The following PLXNA4 variants were observed in gnomAD, a reference collection of about 807,000 sequenced individuals.
The protein encoded by PLXNA4 is plexin-A4.
In PLXNA4, 44 loss-of-function variants were observed where a neutral mutation model predicts 191.8. That is an observed-to-expected ratio of 0.23 (90% CI 0.18 to 0.29). The LOEUF (loss-of-function observed/expected upper bound fraction) is 0.29, where lower values mean the gene tolerates loss of function less well. Among genes scored for constraint, PLXNA4 ranks in the 10% least tolerant of loss-of-function variants. PLXNA4 has a pLI of 1.00. For synonymous variants in PLXNA4, 1,082 were observed against 1,009.5 expected (o/e 1.07, Z -1.36); for missense variants, 1,800 against 2,488.8 (o/e 0.72, Z 5.89).
At chr7:132,241,646 A>G (rs1484358453) in intron 4 of PLXNA4, among the ~76,000 whole-genome samples, 1 of 152,114 alleles carries the variant, frequency 6.6e-6, no homozygotes, top group Non-Finnish European at 1.5e-5. Flanking sequence ...TCCAGAGAGC[A>G]TTTAGTCTGA....
chr7:132,124,771 C>A lies in PLXNA4; in HGVS notation c.*5708G>T, dbSNP rs1237636057. On this transcript the variant is annotated 3_prime_UTR_variant, in exon 32 of 32. Coordinates refer to ENST00000321063, the MANE Select transcript of PLXNA4 (RefSeq NM_020911.2). ...CGGGTGGGAATGGAATAAAGTGAGG[C>A]TCCCGCAACCCAGGATTTTCAGCCT... The A allele has an allele frequency of 6.6e-6, 1 of 152,210 alleles. No individual in the cohort carries two copies. Among genetic ancestry groups the A allele is most frequent in the East Asian group, 1.9e-4 (1 of 5,194 alleles). The allele number at this position is 152,210 out of a possible 1,614,324, so 9.4% of individuals were successfully genotyped here. A position where few individuals can be genotyped will look rare whatever the true frequency, so the allele number is the denominator to read the frequency against.
rs117522251 is a variant in PLXNA4 at position 132,455,101 on chromosome 7, G to A, written c.1371+34191C>T. Reference sequence around the variant, plus strand: ...AGACGTCTGGGAAACAGGCAGCCCCGGCTGTCAGCCTGCAGCCTCGCCTGG... The same window carrying A: ...AGACGTCTGGGAAACAGGCAGCCCCAGCTGTCAGCCTGCAGCCTCGCCTGG... On this transcript the variant is annotated intron_variant, in intron 3 of 31. Transcript: ENST00000321063. Among the ~76,000 whole-genome samples, 706 of 152,312 alleles carry A rather than the reference G, an allele frequency of 4.6e-3. 4 individuals are homozygous for A. The highest frequency in any genetic ancestry group is 7.2e-3 in the Non-Finnish European group (490 of 68,026).
intron 3 of PLXNA4, among the ~76,000 whole-genome samples, chr7:132,472,780 G>A (rs571816107): frequency 2.0e-5 from 3 of 152,316 alleles, no homozygotes; most frequent in South Asian, 4.1e-4. Flanking sequence ...CTAAAAGGGA[G>A]CACCAAGACC....
At chr7:132,639,889 G>A (rs1803680479) in intron 2 of PLXNA4, among the ~76,000 whole-genome samples, 1 of 152,216 alleles carries the variant, frequency 6.6e-6, no homozygotes, top group Admixed American at 6.5e-5. Flanking sequence ...CCACAGAGGA[G>A]ACTCAAGCTC....
intron 1 of PLXNA4, among the ~76,000 whole-genome samples, chr7:132,564,153 TCTC>T (rs1234778304): frequency 3.8e-5 from 3 of 78,738 alleles, no homozygotes; most frequent in African/African-American, 5.0e-5. Context: ...TCCTCCTCCT[TCTC>T]CTCCTCCTTC....
chr7:132,297,895 A>C (rs1300973559), intron 4 of PLXNA4, among the ~76,000 whole-genome samples, 196 bp downstream of exon 4: 1 of 152,238 alleles, frequency 6.6e-6, no homozygotes, highest in Non-Finnish European at 1.5e-5. Flanking sequence ...TTGATATTTT[A>C]AATGTTTCTT....
In PLXNA4 at chr7:132,181,543, G is replaced by T. The variant is rs1161789121; in HGVS notation, c.3330C>A (p.Asp1110Glu). Residue 1110 changes from aspartate to glutamate, a missense_variant, in exon 18 of 32, where the codon GAC becomes GAA. This residue lies in a region of PLXNA4 where 1,397 missense variants were observed against 1,880.4 expected (regional missense o/e 0.74). Coordinates refer to ENST00000321063, the MANE Select transcript of PLXNA4 (RefSeq NM_020911.2). ...CAAACTCCTCGGGCCTCTCGGTCAGGTCTGACTGGTGGTCAGGACCCAGAG... is the reference window on the plus strand; with the variant it reads ...CAAACTCCTCGGGCCTCTCGGTCAGTTCTGACTGGTGGTCAGGACCCAGAG... Reference protein sequence around the residue: ...ALALGPDHQSDLTERPEEFGF... With the variant: ...ALALGPDHQSELTERPEEFGF... 1.2e-6 allele frequency: 2 copies of T among 1,614,166 alleles called. No individual in the cohort carries two copies. The highest frequency in any genetic ancestry group is 1.7e-6 in the Non-Finnish European group (2 of 1,180,040).
intron 1 of PLXNA4, among the ~76,000 whole-genome samples, chr7:132,562,987 T>TG (rs1801347513): frequency 2.9e-5 from 1 of 34,726 alleles, no homozygotes; most frequent in Non-Finnish European, 5.4e-5. Context: ...CTCCTCCTTC[T>TG]CCTCCTCCTC....
chr7:132,579,084 C>A (rs1802350037), upstream of PLXNA4, among the ~76,000 whole-genome samples: 1 of 152,120 alleles, frequency 6.6e-6, no homozygotes, highest in South Asian at 2.1e-4. Context: ...GCCCTGTCAC[C>A]CCAAGGTCCA....
At chr7:132,213,370 TTATGA>T (rs753897924) in intron 9 of PLXNA4, among the ~76,000 whole-genome samples, 1 of 152,232 alleles carries the variant, frequency 6.6e-6, no homozygotes, top group African/African-American at 2.4e-5. Flanking sequence ...ATGGTAAATG[TTATGA>T]TATGTGTATT....
At chr7:132,499,138 TTC>T (rs570061620) in intron 2 of PLXNA4, among the ~76,000 whole-genome samples, 2 of 152,362 alleles carry the variant, frequency 1.3e-5, no homozygotes, top group East Asian at 3.9e-4. Context: ...AGTGCACCCC[TTC>T]TAGGGGTTGC....
intron 3 of PLXNA4, chr7:132,484,672 G>A (rs1256597600): frequency 2.2e-6 from 3 of 1,367,836 alleles, no homozygotes; most frequent in Non-Finnish European, 2.9e-6. Flanking sequence ...TATGCCCTCT[G>A]CCCTAACCAC....
chr7:132,339,795 C>G (rs920812331), intron 3 of PLXNA4, among the ~76,000 whole-genome samples: 1 of 152,068 alleles, frequency 6.6e-6, no homozygotes, highest in Admixed American at 6.5e-5. Context: ...ACCTAGCATG[C>G]CTGTATTCAG....
chr7:132,623,541 G>A (rs1156753724), intron 2 of PLXNA4, among the ~76,000 whole-genome samples: 1 of 152,012 alleles, frequency 6.6e-6, no homozygotes, highest in Non-Finnish European at 1.5e-5. Context: ...AAAGATCAAG[G>A]AGCCAGACTA....
intron 3 of PLXNA4, among the ~76,000 whole-genome samples, chr7:132,481,484 T>G (rs1267663665): frequency 1.3e-5 from 2 of 151,598 alleles, no homozygotes; most frequent in African/African-American, 4.9e-5. Flanking sequence ...TTCTCCTGGG[T>G]AAAATGGAAG....
intron 4 of PLXNA4, among the ~76,000 whole-genome samples, chr7:132,288,333 G>T (rs921424806): frequency 2.0e-5 from 3 of 152,190 alleles, no homozygotes; most frequent in African/African-American, 7.2e-5. Flanking sequence ...TTCCCCTCTG[G>T]TTCCTCCAGT....
At chr7:132,224,127 C>T (rs1798235322) in intron 8 of PLXNA4, among the ~76,000 whole-genome samples, 1 of 152,180 alleles carries the variant, frequency 6.6e-6, no homozygotes, top group Non-Finnish European at 1.5e-5. Context: ...CCACCTTTCC[C>T]CTTTACCCCA....
chr7:132,496,785 AGGG>A (rs1441242774), intron 2 of PLXNA4, among the ~76,000 whole-genome samples: 1 of 152,166 alleles, frequency 6.6e-6, no homozygotes, highest in African/African-American at 2.4e-5. Flanking sequence ...AGAGGAAGGC[AGGG>A]GACTGCTGGG....
intron 16 of PLXNA4, among the ~76,000 whole-genome samples, chr7:132,184,012 A>C (rs1796796526): frequency 6.6e-6 from 1 of 152,206 alleles, no homozygotes; most frequent in South Asian, 2.1e-4. Context: ...CTTTATTTAC[A>C]AAAGCAGGTG....
Sources: allele counts gnomAD v4.1 joint callset (sites outside exome capture counted in the v4.1 genomes callset), GRCh38; gene constraint gnomAD v4.1.1; regional missense constraint gnomAD v4.1.1; transcripts MANE v1.5; gene names NCBI Gene and HGNC (gene_info 2026-07-23, HGNC 2026-07-21).